HMCN1: variants seen among roughly 807,000 people sequenced by gnomAD.
HMCN1 encodes the protein hemicentin 1.
HMCN1 carries 321 observed loss-of-function variants against 625.9 expected under a neutral mutation model. That is an observed-to-expected ratio of 0.51 (90% CI 0.47 to 0.56). The LOEUF (loss-of-function observed/expected upper bound fraction) is 0.56, where lower values mean the gene tolerates loss of function less well. Ranked by LOEUF, HMCN1 falls within the 20% of genes least tolerant of loss-of-function variation. HMCN1 has a pLI of 0.00. For synonymous variants in HMCN1, 2,425 were observed against 2,417.6 expected, an observed-to-expected ratio of 1.00 and a Z score of -0.09; for missense variants, 6,588 against 6,887.3, an observed-to-expected ratio of 0.96 and a Z score of 1.54.
intron 4 of HMCN1, among the ~76,000 whole-genome samples, chr1:185,898,433 C>T (rs968481734): frequency 2.6e-5 from 4 of 152,084 alleles, no homozygotes; most frequent in Non-Finnish European, 5.9e-5. Flanking sequence ...AATTTGCTAA[C>T]AGCAAAAGTA....
rs377381395 is a variant in HMCN1, at chr1:186,066,279, GTTCA to G, written c.7705+881_7705+884del. On this transcript the variant is annotated intron_variant, in intron 49 of 106. Transcript: ENST00000271588. ...ATACAGTATCTGGTATTATATATAT[GTTCA>G]TTCATTCATTCATTCATTCATTCAT... 2.3e-3 allele frequency among the ~76,000 whole-genome samples: 342 copies of G among 151,914 alleles called. 1 individual carries two copies. Among genetic ancestry groups the G allele is most frequent in the East Asian group, 5.2e-3 (27 of 5,172 alleles).
At chr1:185,921,996 T>C (rs1012438495) in intron 6 of HMCN1, among the ~76,000 whole-genome samples, 24 of 152,174 alleles carry the variant, frequency 1.6e-4, no homozygotes, top group Non-Finnish European at 5.9e-5. Flanking sequence ...TGAACCTGGA[T>C]GTATTTGTGG....
At position 185,839,757 on chromosome 1, in the gene HMCN1, C is replaced by T. The variant is rs141267038; in HGVS notation, c.269-6269C>T. 6.4e-4 allele frequency among the ~76,000 whole-genome samples: 98 copies of T among 152,282 alleles called. 1 individual carries two copies. Among genetic ancestry groups the T allele is most frequent in the African/African-American group, 2.3e-3 (95 of 41,560 alleles). On this transcript the variant is annotated intron_variant, in intron 1 of 106. Transcript: ENST00000271588. ...GAATTTATGTCAACAATTTTTTCTA[C>T]ATCTCATTCAGCAGTACATGAAGTG...
chr1:185,941,214 A>C (rs553649869), intron 11 of HMCN1, among the ~76,000 whole-genome samples: 1 of 152,354 alleles, frequency 6.6e-6, no homozygotes, highest in South Asian at 2.1e-4. Flanking sequence ...CATGGAATTT[A>C]CTTTAAGACC....
At chr1:186,156,138 A>G (rs1341363510) in intron 97 of HMCN1, among the ~76,000 whole-genome samples, 9 of 152,262 alleles carry the variant, frequency 5.9e-5, no homozygotes, top group African/African-American at 2.2e-4. Flanking sequence ...AATTAATTAT[A>G]AAGTATATAT....
intron 11 of HMCN1, among the ~76,000 whole-genome samples, chr1:185,948,318 G>C (rs1237577903): frequency 6.6e-6 from 1 of 152,126 alleles, no homozygotes; most frequent in Non-Finnish European, 1.5e-5. Context: ...AACAGGCTTT[G>C]TGTGAGCAAC....
At chr1:185,768,917 T>C (rs897768985) in intron 1 of HMCN1, among the ~76,000 whole-genome samples, 10 of 152,208 alleles carry the variant, frequency 6.6e-5, no homozygotes, top group Non-Finnish European at 1.3e-4. Flanking sequence ...TATCTTCTAG[T>C]AGAAAAGACG....
chr1:186,019,415 A>G (rs1654568692), intron 34 of HMCN1, 126 bp from the exon 35 acceptor site: 3 of 727,236 alleles, frequency 4.1e-6, no homozygotes, highest in East Asian at 2.5e-5. Flanking sequence ...AAAGTATTTC[A>G]TTGTTAAAAT....
At chr1:185,971,661 A>T (rs920898915) in intron 15 of HMCN1, among the ~76,000 whole-genome samples, 1 of 152,200 alleles carries the variant, frequency 6.6e-6, no homozygotes, top group Non-Finnish European at 1.5e-5. Flanking sequence ...AAAACATTTT[A>T]GTTCCACTGT....
chr1:185,981,193 C>CCAGCCTTGA (rs1651609221), intron 17 of HMCN1, 120 bp downstream of exon 17: 1 of 700,760 alleles, frequency 1.4e-6, no homozygotes, highest in Non-Finnish European at 2.6e-6. Flanking sequence ...AATTACTAGA[C>CCAGCCTTGA]CAGCCTTCCC....
chr1:186,130,600 C>T lies in HMCN1; in HGVS notation c.13133C>T (p.Thr4378Ile), dbSNP rs1655004850. The T allele has an allele frequency of 1.2e-6, 2 of 1,613,484 alleles. No individual in the cohort carries two copies. The highest frequency in any genetic ancestry group is 1.7e-5 in the Admixed American group (1 of 59,928). ...AATTGTGAGGTGAAAGGAGACCCCA[C>T]CCCAACCATCCAGTGGAACAGAAAG... The part of the protein sequence containing the change: ...ILNCEVKGDP[T>I]PTIQWNRKGV... The change falls in exon 85 of 107, where the codon ACC becomes ATC. Residue 4378 changes from threonine (T) to isoleucine (I), a missense_variant. Coordinates refer to ENST00000271588, the MANE Select transcript of HMCN1 (RefSeq NM_031935.3).
rs781177769 is a variant in HMCN1 at position 186,003,837 on chromosome 1, G to A, written c.4468G>A (p.Asp1490Asn). ...TPFPDIHWFK[D>N]GKPLFLGDPN... Reference sequence around the variant, plus strand: ...CTTTCCTGATATTCATTGGTTCAAAGATGGCAAGTGAGTATCTTTTCTGTA... The same window carrying A: ...CTTTCCTGATATTCATTGGTTCAAAAATGGCAAGTGAGTATCTTTTCTGTA... Residue 1490 changes from aspartate to asparagine, a missense_variant, in exon 29 of 107, where the codon GAT becomes AAT. This residue lies in a region of HMCN1 where 4,628 missense variants were observed against 4,853.1 expected (regional missense o/e 0.95). Transcript: ENST00000271588. 1.5e-5 allele frequency: 24 copies of A among 1,613,060 alleles called. 1 individual carries two copies. Among genetic ancestry groups the A allele is most frequent in the Admixed American group, 1.3e-4 (8 of 59,938 alleles).
intron 37 of HMCN1, 79 bp downstream of exon 37, chr1:186,038,114 A>G (rs1655956873): frequency 1.2e-6 from 1 of 843,792 alleles, no homozygotes. Context: ...AGCATAATAT[A>G]CTAATTACTA....
intron 1 of HMCN1, among the ~76,000 whole-genome samples, chr1:185,809,511 A>T (rs1257519249): frequency 6.6e-6 from 1 of 150,606 alleles, no homozygotes; most frequent in Non-Finnish European, 1.5e-5. Flanking sequence ...TTCTAGGCAT[A>T]ATATATATAT....
At chr1:186,157,528 C>T (rs1242466390) in intron 97 of HMCN1, among the ~76,000 whole-genome samples, 2 of 152,038 alleles carry the variant, frequency 1.3e-5, no homozygotes, top group Non-Finnish European at 2.9e-5. Flanking sequence ...GGTACATGTG[C>T]ACAATGTGCA....
At chr1:185,929,937 G>C (rs1423901896) in intron 10 of HMCN1, among the ~76,000 whole-genome samples, 1 of 152,122 alleles carries the variant, frequency 6.6e-6, no homozygotes, top group Non-Finnish European at 1.5e-5. Flanking sequence ...ACAAACACTT[G>C]AACACTTGAG....
chr1:186,125,644 C>A lies in HMCN1; in HGVS notation c.12540C>A (p.Val4180=). The A allele has an allele frequency of 6.2e-7, 1 of 1,613,286 alleles. No homozygotes were observed. The highest frequency in any genetic ancestry group is 1.1e-5 in the South Asian group (1 of 91,054). The part of the protein sequence containing the change: ...RIRSTEGHYT[V]NENSQAILPC... ...GAAGTACAGAAGGACACTACACGGTCAATGAGAATTCACAAGCCATTCTTC... is the reference window on the plus strand; with the variant it reads ...GAAGTACAGAAGGACACTACACGGTAAATGAGAATTCACAAGCCATTCTTC... The change falls in exon 82 of 107, where the codon GTC becomes GTA. Residue 4180 remains valine, a synonymous_variant. Coordinates refer to ENST00000271588, the MANE Select transcript of HMCN1 (RefSeq NM_031935.3).
At chr1:185,783,931 C>G (rs181543900) in intron 1 of HMCN1, among the ~76,000 whole-genome samples, 20 of 152,346 alleles carry the variant, frequency 1.3e-4, no homozygotes, top group Non-Finnish European at 2.6e-4. Context: ...TTCAGCTATG[C>G]CCTGCCCCCA....
At chr1:185,787,443 C>T (rs769406684) in intron 1 of HMCN1, among the ~76,000 whole-genome samples, 4 of 152,182 alleles carry the variant, frequency 2.6e-5, no homozygotes, top group African/African-American at 4.8e-5. Flanking sequence ...TGCCCAGATA[C>T]GCCAGTTGAC....
Sources: allele counts gnomAD v4.1 joint callset (sites outside exome capture counted in the v4.1 genomes callset), GRCh38; gene constraint gnomAD v4.1.1; regional missense constraint gnomAD v4.1.1; transcripts MANE v1.5; gene names NCBI Gene and HGNC (gene_info 2026-07-23, HGNC 2026-07-21).